Variants in XYLT2 observed in about 807,000 individuals in gnomAD.
XYLT2 encodes the protein UDP-D-xylose:proteoglycan core protein beta-D-xylosyltransferase.
XYLT2 carries 37 observed loss-of-function variants against 82.6 expected under a neutral mutation model. The ratio of observed to expected loss-of-function variants is 0.45; its 90% CI spans 0.34 to 0.59. XYLT2 has a LOEUF of 0.59. XYLT2 is among the 20% of genes least tolerant of loss of function. The pLI is 0.01. For missense variants in XYLT2, 934 were observed against 1,181.3 expected (o/e 0.79, Z 3.07); for synonymous variants, 474 against 499.0 (o/e 0.95, Z 0.67).
chr17:50,356,871 A>G, intron 8 of XYLT2, 98 bp downstream of exon 8: 1 of 1,508,754 alleles, frequency 6.6e-7, no homozygotes, highest in East Asian at 2.3e-5. Flanking sequence ...ACAAGGCCCC[A>G]GTCTGAAGCA....
rs1006722260 is a variant in XYLT2, at chr17:50,361,105, G to A, written c.*814G>A. 7.1e-6 allele frequency: 7 copies of A among 985,792 alleles called. No homozygotes were observed. The highest frequency in any genetic ancestry group is 1.7e-5 in the African/African-American group (1 of 57,226). The allele number at this position is 985,792 out of a possible 1,614,324, so 61.1% of individuals were successfully genotyped here. A position where few individuals can be genotyped will look rare whatever the true frequency, so the allele number is the denominator to read the frequency against. On this transcript the variant is annotated 3_prime_UTR_variant, in exon 11 of 11. Coordinates refer to ENST00000017003, the MANE Select transcript of XYLT2 (RefSeq NM_022167.4). ...GGAGTAATTGTGCCTGAAGCTCAGC[G>A]TGAAGTCTGAAATATGCAACAGAAG...
chr17:50,358,250 T>C lies in XYLT2; in HGVS notation c.1985T>C (p.Phe662Ser), dbSNP rs762379910. 1 of 1,611,816 alleles carries C rather than the reference T, an allele frequency of 6.2e-7. No individual in the cohort carries two copies. The highest frequency in any genetic ancestry group is 8.5e-7 in the Non-Finnish European group (1 of 1,178,786). Residue 662 changes from phenylalanine to serine, a missense_variant, in exon 10 of 11, where the codon TTT becomes TCT. This residue lies in a region of XYLT2 where 374 missense variants were observed against 465.6 expected (regional missense o/e 0.80). Coordinates refer to ENST00000017003, the MANE Select transcript of XYLT2 (RefSeq NM_022167.4). ...WDPKERLFRN[F>S]GGLLGPLDEP... ...CCCAAAGAGCGTCTTTTCCGGAACTTTGGGGGGTTACTGGGGCCGCTGGAC... is the reference window on the plus strand; with the variant it reads ...CCCAAAGAGCGTCTTTTCCGGAACTCTGGGGGGTTACTGGGGCCGCTGGAC...
At position 50,356,048 on chromosome 17, in the gene XYLT2, C is replaced by T. The variant is rs767959782; in HGVS notation, c.1306-37C>T. 16 of 1,614,076 alleles carry T rather than the reference C, an allele frequency of 9.9e-6. No homozygotes were observed. In the South Asian group the frequency reaches 1.4e-4, roughly 14 times the overall value. On this transcript the variant is annotated intron_variant, in intron 6 of 10. Transcript: ENST00000017003. Reference sequence around the variant, plus strand: ...CCAGGGAGGGCGTGGGTTGGGCTGCCTGCAGCTCACCTTCCACTCTCCCTT... The same window carrying T: ...CCAGGGAGGGCGTGGGTTGGGCTGCTTGCAGCTCACCTTCCACTCTCCCTT...
chr17:50,357,140 T>C lies in XYLT2; in HGVS notation c.1829T>C (p.Val610Ala), dbSNP rs1489840537. Residue 610 changes from valine (V) to alanine (A), a missense_variant, in exon 9 of 11, where the codon GTG (valine) becomes GCG (alanine). Physicochemically the swap from Val to Ala is moderately conservative, Grantham distance 64. This residue lies in a region of XYLT2 where 374 missense variants were observed against 465.6 expected (regional missense o/e 0.80). Coordinates refer to ENST00000017003, the MANE Select transcript of XYLT2 (RefSeq NM_022167.4). The part of the protein sequence containing the change: ...HFQGYLVTQA[V>A]QPSAQGPAET... ...CAGGGCTACCTGGTGACGCAGGCGGTGCAGCCCTCAGCCCAGGGGCCGGCA... is the reference window on the plus strand; with the variant it reads ...CAGGGCTACCTGGTGACGCAGGCGGCGCAGCCCTCAGCCCAGGGGCCGGCA... 2 of 1,613,618 alleles carry C rather than the reference T, an allele frequency of 1.2e-6. No individual in the cohort carries two copies. The highest frequency in any genetic ancestry group is 1.3e-5 in the African/African-American group (1 of 74,896).
At chr17:50,347,734 C>G (rs529419309) in intron 1 of XYLT2, among the ~76,000 whole-genome samples, 1 of 152,234 alleles carries the variant, frequency 6.6e-6, no homozygotes, top group Non-Finnish European at 1.5e-5. Flanking sequence ...TTTGAAAAAG[C>G]TTGTGCGGTC....
At position 50,353,733 on chromosome 17, in the gene XYLT2, G is replaced by T. The variant is rs371420967; in HGVS notation, c.239G>T (p.Arg80Leu). The T allele has an allele frequency of 5.1e-6, 8 of 1,558,402 alleles. No homozygotes were observed. The Middle Eastern group carries it at 6.7e-4, about 130-fold the overall frequency. Residue 80 changes from arginine (R) to leucine (L), a missense_variant, in exon 2 of 11, where the codon CGC becomes CTC. This residue lies in a region of XYLT2 where 371 missense variants were observed against 394.9 expected (regional missense o/e 0.94). Transcript: ENST00000017003. ...RRGSTGRRHG[R>L]WRGRAESPGV... ...GGCAGCACAGGCAGAAGGCATGGGC[G>T]CTGGCGGGGCCGTGCTGAGAGCCCA...
rs770092664 is a variant in XYLT2 at position 50,355,057 on chromosome 17, G to C, written c.1007+1G>C. ...TCAGTGCCACTGACTATCCAACCAG[G>C]TGTGGGGATGGGGCTCTGAGTCCTC... On this transcript the variant is annotated splice_donor_variant, in intron 4 of 10. Coordinates refer to ENST00000017003, the MANE Select transcript of XYLT2 (RefSeq NM_022167.4). LOFTEE classifies it high-confidence loss of function. The C allele has an allele frequency of 1.3e-6, 2 of 1,528,294 alleles. No homozygotes were observed. Among genetic ancestry groups the C allele is most frequent in the Non-Finnish European group, 1.8e-6 (2 of 1,139,182 alleles). The allele number at this position is 1,528,294 out of a possible 1,614,324, so 94.7% of individuals were successfully genotyped here. A position where few individuals can be genotyped will look rare whatever the true frequency, so the allele number is the denominator to read the frequency against.
chr17:50,357,195 A>G lies in XYLT2; in HGVS notation c.1884A>G (p.Gln628=). ...AETLEMWLMP[Q]GSLKLLGRSD... is the part of the protein sequence containing the mutation. ...CGCTTGAGATGTGGCTGATGCCCCA[A>G]GGGTCGCTGAAGCTGTTGGGGCGCA... The change falls in exon 9 of 11, where the codon CAA becomes CAG. Residue 628 remains glutamine, a synonymous_variant. Transcript: ENST00000017003. 1.2e-6 allele frequency: 2 copies of G among 1,611,204 alleles called. No homozygotes were observed. The highest frequency in any genetic ancestry group is 1.7e-4 in the Middle Eastern group (1 of 5,980).
At chr17:50,355,196 C>T (rs916200857) in intron 4 of XYLT2, 140 bp downstream of exon 4, 1 of 957,708 alleles carries the variant, frequency 1.0e-6, no homozygotes, top group Non-Finnish European at 1.5e-6. Context: ...GGCCCCTGGG[C>T]CCCAGCTATG....
rs751646755 is a variant in XYLT2 at position 50,360,059 on chromosome 17, A to C, written c.2366A>C (p.Gln789Pro). ...QGLSSILNLP[Q>P]PELAEEAAQR... ...CTGAGTAGCATCCTGAACCTGCCTC[A>C]GCCGGAGCTCGCGGAGGAGGCTGCC... Residue 789 changes from glutamine to proline, a missense_variant, in exon 11 of 11, where the codon CAG becomes CCG. Physicochemically the swap from Gln to Pro is moderately conservative, Grantham distance 76. Transcript: ENST00000017003. The C allele has an allele frequency of 1.2e-6, 2 of 1,614,012 alleles. No individual in the cohort carries two copies. Among genetic ancestry groups the C allele is most frequent in the Non-Finnish European group, 1.7e-6 (2 of 1,179,992 alleles).
chr17:50,358,771 A>AC (rs1912668874), intron 10 of XYLT2, among the ~76,000 whole-genome samples: 1 of 152,160 alleles, frequency 6.6e-6, no homozygotes, highest in African/African-American at 2.4e-5. Flanking sequence ...CATAACTCTC[A>AC]CAAGTTCATT....
intron 1 of XYLT2, among the ~76,000 whole-genome samples, chr17:50,351,786 G>A (rs1912281089): frequency 6.6e-6 from 1 of 152,204 alleles, no homozygotes; most frequent in African/African-American, 2.4e-5. Flanking sequence ...GGTCTATCGA[G>A]CTCCCATGTG....
At chr17:50,354,199 C>G in intron 2 of XYLT2, 77 bp downstream of exon 2, 1 of 1,583,632 alleles carries the variant, frequency 6.3e-7, no homozygotes, top group Non-Finnish European at 8.5e-7. Context: ...ACCCCTATCT[C>G]TCTGAGGAAG....
rs372506658 is a variant in XYLT2, at chr17:50,353,966, T to A, written c.472T>A (p.Phe158Ile). ...CGCCCCCCAGCCCACGGACAATGGC[T>A]TCACCCCCAAGTGCGAGATCGTGGG... ...EGAPQPTDNG[F>I]TPKCEIVGKD... The change falls in exon 2 of 11, where the codon TTC becomes ATC. Residue 158 changes from phenylalanine to isoleucine, a missense_variant. By Grantham distance (21) the Phe-to-Ile change is conservative. Around this residue, in one of 3 missense-constraint regions of XYLT2, gnomAD observed 371 missense variants for 394.9 expected, o/e 0.94. Coordinates refer to ENST00000017003, the MANE Select transcript of XYLT2 (RefSeq NM_022167.4). 6.2e-7 allele frequency: 1 copy of A among 1,606,508 alleles called. No homozygotes were observed. The highest frequency in any genetic ancestry group is 8.5e-7 in the Non-Finnish European group (1 of 1,179,902).
intron 1 of XYLT2, 101 bp from the exon 2 acceptor site, chr17:50,353,529 A>G: frequency 6.7e-7 from 1 of 1,482,672 alleles, no homozygotes. Context: ...AAAGGTGGGC[A>G]GGAACATCTA....
chr17:50,346,799 G>A lies in XYLT2; in HGVS notation c.135+524G>A, dbSNP rs1396113311. 2.0e-6 allele frequency: 2 copies of A among 985,306 alleles called. No individual in the cohort carries two copies. The highest frequency in any genetic ancestry group is 2.3e-4 in the East Asian group (2 of 8,826). The allele number at this position is 985,306 out of a possible 1,614,324, so 61.0% of individuals were successfully genotyped here. On this transcript the variant is annotated intron_variant, in intron 1 of 10. Transcript: ENST00000017003. This position sits in a 1 kb window ranked among gnomAD's most constrained non-coding sequence, Gnocchi z 5.1. ...GGAATTCAGGCCTGGGACAAAGTGT[G>A]TACCCGGGAACTGAAGGAACAGGGA...
In XYLT2 at chr17:50,346,858, A is replaced by T. The variant is rs899983130; in HGVS notation, c.135+583A>T. ...GAAGGAGAGAACTGGAGTATTCCCGAGGTGTGGCTTCCTCAGCCGGGGGTT... is the reference window on the plus strand; with the variant it reads ...GAAGGAGAGAACTGGAGTATTCCCGTGGTGTGGCTTCCTCAGCCGGGGGTT... On this transcript the variant is annotated intron_variant, in intron 1 of 10. Coordinates refer to ENST00000017003, the MANE Select transcript of XYLT2 (RefSeq NM_022167.4). This position sits in a 1 kb window ranked among gnomAD's most constrained non-coding sequence, Gnocchi z 5.1. 1 of 985,242 alleles carries T rather than the reference A, an allele frequency of 1.0e-6. No homozygotes were observed. The highest frequency in any genetic ancestry group is 1.2e-6 in the Non-Finnish European group (1 of 829,896). The allele number at this position is 985,242 out of a possible 1,614,324, so 61.0% of individuals were successfully genotyped here.
Position 50,346,178 on chromosome 17 carries a change from G to A in XYLT2, c.38G>A (p.Arg13His). ...GCGCGAGTGCAGAAGCTGGTGCGGC[G>A]CTACAAGCTGGCGATTGCCACGGCG... Reference protein sequence around the residue: ...ASARVQKLVRRYKLAIATALA... With the variant: ...ASARVQKLVRHYKLAIATALA... The change falls in exon 1 of 11, where the codon CGC (arginine) becomes CAC (histidine). Residue 13 changes from arginine to histidine, a missense_variant. By Grantham distance (29) the Arg-to-His change is conservative. This residue lies in a region of XYLT2 where 371 missense variants were observed against 394.9 expected (regional missense o/e 0.94). Transcript: ENST00000017003. This position sits in a 1 kb window ranked among gnomAD's most constrained non-coding sequence, Gnocchi z 5.1. 1 of 1,287,480 alleles carries A rather than the reference G, an allele frequency of 7.8e-7. No individual in the cohort carries two copies. Among genetic ancestry groups the A allele is most frequent in the Non-Finnish European group, 1.0e-6 (1 of 991,708 alleles). 79.8% of individuals were successfully genotyped at this position (1,287,480 alleles called of 1,614,324 possible). A position where few individuals can be genotyped will look rare whatever the true frequency, so the allele number is the denominator to read the frequency against.
intron 1 of XYLT2, among the ~76,000 whole-genome samples, chr17:50,347,970 C>T (rs1288262340): frequency 6.6e-6 from 1 of 152,210 alleles, no homozygotes; most frequent in Non-Finnish European, 1.5e-5. Flanking sequence ...ATGGCACCTC[C>T]CGTGTTAGGT....
Sources: allele counts gnomAD v4.1 joint callset (sites outside exome capture counted in the v4.1 genomes callset), GRCh38; gene constraint gnomAD v4.1.1; regional missense constraint gnomAD v4.1.1; non-coding constraint Gnocchi (gnomAD v3.1); transcripts MANE v1.5; gene names NCBI Gene and HGNC (gene_info 2026-07-23, HGNC 2026-07-21).